FAM227B: variants seen among roughly 807,000 people sequenced by gnomAD.
FAM227B encodes protein FAM227B.
FAM227B carries 88 observed loss-of-function variants against 73.8 expected under a neutral mutation model. The observed-to-expected ratio is 1.19, with a 90% CI of 1.00 to 1.42. FAM227B has a LOEUF of 1.42. Among genes scored for constraint, FAM227B ranks in the 40% most tolerant of loss-of-function variants. The pLI is 0.00. For missense variants in FAM227B, 632 were observed against 590.9 expected (o/e 1.07, Z -0.72); for synonymous variants, 210 against 190.5 (o/e 1.10, Z -0.84).
chr15:49,442,339 C>T (rs1486263342), intron 11 of FAM227B, among the ~76,000 whole-genome samples: 1 of 151,678 alleles, frequency 6.6e-6, no homozygotes, highest in African/African-American at 2.4e-5. Context: ...TAAGTCTCAA[C>T]TCTCCACGAA....
At chr15:49,614,603 T>A (rs926412568) in intron 2 of FAM227B, among the ~76,000 whole-genome samples, 1 of 152,226 alleles carries the variant, frequency 6.6e-6, no homozygotes, top group Non-Finnish European at 1.5e-5. Flanking sequence ...CCTTCTAGTC[T>A]TAAAACTTGA....
chr15:49,470,352 TTTC>T (rs1439593217), intron 11 of FAM227B, among the ~76,000 whole-genome samples: 1 of 152,194 alleles, frequency 6.6e-6, no homozygotes, highest in Non-Finnish European at 1.5e-5. Context: ...GCTGAGCAAA[TTTC>T]TTTTTTATTA....
At chr15:49,351,572 C>G (rs1235549480) in intron 13 of FAM227B, among the ~76,000 whole-genome samples, 1 of 152,180 alleles carries the variant, frequency 6.6e-6, no homozygotes, top group African/African-American at 2.4e-5. Flanking sequence ...AGAACTGAAA[C>G]TAACACATAC....
chr15:49,494,783 T>C (rs571103184), intron 11 of FAM227B, among the ~76,000 whole-genome samples: 1 of 152,288 alleles, frequency 6.6e-6, no homozygotes, highest in Non-Finnish European at 1.5e-5. Context: ...AGAGCAGCTG[T>C]TAAGCACTCA....
intron 11 of FAM227B, among the ~76,000 whole-genome samples, chr15:49,430,885 A>G (rs2050552055): frequency 1.3e-5 from 2 of 151,808 alleles, no homozygotes; most frequent in South Asian, 4.1e-4. Flanking sequence ...CATTCAAACC[A>G]TAGCAAGGGT....
intron 13 of FAM227B, among the ~76,000 whole-genome samples, chr15:49,361,178 C>A (rs568257638): frequency 6.6e-6 from 1 of 152,088 alleles, no homozygotes; most frequent in East Asian, 1.9e-4. Flanking sequence ...TAAATATATA[C>A]AATTATAATT....
At chr15:49,469,586 C>T (rs2054555139) in intron 11 of FAM227B, among the ~76,000 whole-genome samples, 1 of 151,996 alleles carries the variant, frequency 6.6e-6, no homozygotes. Flanking sequence ...TTAGGTGTTG[C>T]TTCAATAAAG....
intron 10 of FAM227B, among the ~76,000 whole-genome samples, chr15:49,527,869 C>CA (rs1359178658): frequency 6.6e-6 from 1 of 151,480 alleles, no homozygotes; most frequent in Non-Finnish European, 1.5e-5. Context: ...ACAAATGAAT[C>CA]AAAAAAGATC....
intron 11 of FAM227B, among the ~76,000 whole-genome samples, chr15:49,441,946 T>G (rs1321941156): frequency 2.0e-5 from 3 of 151,584 alleles, no homozygotes; most frequent in Admixed American, 6.6e-5. Flanking sequence ...TTATAATTAT[T>G]TGTATATGTC....
chr15:49,388,218 C>T lies in FAM227B; in HGVS notation c.1013-16819G>A, dbSNP rs531878500. On this transcript the variant is annotated intron_variant, in intron 11 of 15. Transcript: ENST00000299338. ...AACAAATTTGGAGGCATCACATTAC[C>T]GGACTTCAAATTATACTATAAGCCT... Among the ~76,000 whole-genome samples, 16 of 151,888 alleles carry T rather than the reference C, an allele frequency of 1.1e-4. No homozygotes were observed. In the South Asian group the frequency reaches 2.3e-3, roughly 22 times the overall value.
chr15:49,446,652 A>AT (rs2052246379), intron 11 of FAM227B, among the ~76,000 whole-genome samples: 5 of 151,516 alleles, frequency 3.3e-5, no homozygotes, highest in Non-Finnish European at 7.4e-5. Flanking sequence ...TTAGGACAAC[A>AT]GTGAGGAATG....
intron 3 of FAM227B, among the ~76,000 whole-genome samples, chr15:49,610,804 A>G (rs1050864078): frequency 5.3e-5 from 8 of 152,154 alleles, no homozygotes; most frequent in African/African-American, 1.9e-4. Context: ...ATGAAAACAC[A>G]TTTTGAATTT....
chr15:49,518,595 G>A lies in FAM227B; in HGVS notation c.875-10247C>T, dbSNP rs564358313. On this transcript the variant is annotated intron_variant, in intron 10 of 15. Coordinates refer to ENST00000299338, the MANE Select transcript of FAM227B (RefSeq NM_152647.3). ...GTCTTACCTGGCAGCAGGCAAGAAT[G>A]ATCACGTTCAGGGGAACAGCCCTTT... Among the ~76,000 whole-genome samples the A allele has an allele frequency of 7.9e-5, 12 of 152,222 alleles. No individual in the cohort carries two copies. The East Asian group carries it at 2.3e-3, about 29-fold the overall frequency.
chr15:49,607,957 T>C (rs2077629428), intron 3 of FAM227B, among the ~76,000 whole-genome samples: 1 of 152,146 alleles, frequency 6.6e-6, no homozygotes. Context: ...GAGTGTTATC[T>C]AAAAAATAAA....
At chr15:49,425,391 T>C (rs2050035542) in intron 11 of FAM227B, 1 of 152,004 alleles carries the variant, frequency 6.6e-6, no homozygotes, top group Non-Finnish European at 1.5e-5. Flanking sequence ...TTAATGGTTA[T>C]GATGAATAAC....
chr15:49,457,560 C>T (rs981862113), intron 11 of FAM227B, among the ~76,000 whole-genome samples: 4 of 151,838 alleles, frequency 2.6e-5, no homozygotes, highest in Non-Finnish European at 1.5e-5. Context: ...CCTTAGAGAA[C>T]AGAAACTTTT....
In FAM227B at chr15:49,589,281, T is replaced by C. The variant is rs117727549; in HGVS notation, c.337+495A>G. Among the ~76,000 whole-genome samples, 5 of 152,216 alleles carry C rather than the reference T, an allele frequency of 3.3e-5. No individual in the cohort carries two copies. The South Asian group carries it at 6.2e-4, about 19-fold the overall frequency. On this transcript the variant is annotated intron_variant, in intron 4 of 15. Transcript: ENST00000299338. ...ATTTCTGTTCTATCCTGACCCTTAC[T>C]GATATGTTTGTTTCTAGTAAGAATA...
chr15:49,397,213 G>A (rs2047744754), intron 11 of FAM227B, among the ~76,000 whole-genome samples: 2 of 152,188 alleles, frequency 1.3e-5, no homozygotes, highest in African/African-American at 4.8e-5. Context: ...GAAGCCTCAG[G>A]AGCCGACGCG....
At chr15:49,543,266 A>G (rs1363480663) in intron 9 of FAM227B, among the ~76,000 whole-genome samples, 1 of 152,044 alleles carries the variant, frequency 6.6e-6, no homozygotes. Flanking sequence ...TCAGCGATGT[A>G]GTGCATTTTT....
Sources: gnomAD v4.1 joint callset for allele counts (sites outside exome capture counted in the v4.1 genomes callset) on GRCh38, gnomAD v4.1.1 for gene constraint, MANE v1.5 for transcripts, NCBI Gene and HGNC (gene_info 2026-07-23, HGNC 2026-07-21) for gene names.